The following C12orf42 variants were observed in gnomAD, a reference collection of about 807,000 sequenced individuals.
The protein encoded by C12orf42 is uncharacterized protein C12orf42.
Under a neutral mutation model 21.6 loss-of-function variants are expected in C12orf42, and 25 were observed. The observed-to-expected ratio is 1.16, with a 90% CI of 0.84 to 1.62. The LOEUF (loss-of-function observed/expected upper bound fraction) is 1.62, where lower values mean the gene tolerates loss of function less well. Ranked by LOEUF, C12orf42 falls within the 40% of genes most tolerant of loss-of-function variation. C12orf42 has a pLI of 0.00. For synonymous variants in C12orf42, 174 were observed against 175.0 expected (o/e 0.99, Z 0.05); for missense variants, 483 against 459.3 (o/e 1.05, Z -0.47).
At chr12:103,226,010 A>C in the C12orf42 span, among the ~76,000 whole-genome samples, 308 of 152,292 alleles carry the variant, frequency 2.0e-3, 2 homozygotes, top group African/African-American at 7.1e-3. Context: ...GTTCCAGGGG[A>C]TCTGGGAGTG....
At chr12:103,535,900 C>A in the C12orf42 span, among the ~76,000 whole-genome samples, 3 of 152,148 alleles carry the variant, frequency 2.0e-5, no homozygotes, top group African/African-American at 7.2e-5. Flanking sequence ...ACCTTAGGCT[C>A]CAGAGTAGCC....
chr12:103,133,794 C>T, the C12orf42 span, among the ~76,000 whole-genome samples: 3 of 152,192 alleles, frequency 2.0e-5, no homozygotes, highest in Non-Finnish European at 4.4e-5. Flanking sequence ...ATCATGGGGG[C>T]AGTTTCCTCC....
intron 4 of C12orf42, among the ~76,000 whole-genome samples, chr12:103,334,421 C>T (rs1371761347): frequency 6.6e-6 from 1 of 152,144 alleles, no homozygotes; most frequent in African/African-American, 2.4e-5. Flanking sequence ...TTGGCATAGA[C>T]CAGACCCTAC....
At chr12:103,195,028 T>C in the C12orf42 span, among the ~76,000 whole-genome samples, 1 of 152,304 alleles carries the variant, frequency 6.6e-6, no homozygotes, top group East Asian at 1.9e-4. Flanking sequence ...AGCTCCCACT[T>C]ATAAGCAAGA....
At position 103,327,259 on chromosome 12, in the gene C12orf42, C is replaced by T. The variant is rs557667004; in HGVS notation, c.260-20914G>A. 2.1e-4 allele frequency among the ~76,000 whole-genome samples: 32 copies of T among 152,146 alleles called. 1 individual carries two copies. Among genetic ancestry groups the T allele is most frequent in the Admixed American group, 1.9e-3 (29 of 15,272 alleles). On this transcript the variant is annotated intron_variant, in intron 4 of 5. Transcript: ENST00000548883. ...CGAGAGTACAGCTTTTGTGTCAGGA[C>T]CTCTTGGGTAAGAAGCCCCAAGCAT...
chr12:103,240,522 G>C (rs1166743283), intron 10 of C12orf42, among the ~76,000 whole-genome samples: 5 of 152,178 alleles, frequency 3.3e-5, no homozygotes, highest in African/African-American at 7.2e-5. Context: ...TGCTCCTGAA[G>C]TCATGAGAAC....
the C12orf42 span, among the ~76,000 whole-genome samples, chr12:103,524,341 C>T: frequency 6.6e-6 from 1 of 152,178 alleles, no homozygotes; most frequent in African/African-American, 2.4e-5. Context: ...TTGGCAAGAA[C>T]AGATTCCCAT....
At chr12:103,203,259 C>CCCTGAT in the C12orf42 span, among the ~76,000 whole-genome samples, 1 of 152,136 alleles carries the variant, frequency 6.6e-6, no homozygotes, top group Non-Finnish European at 1.5e-5. Context: ...GGGGGATTGC[C>CCCTGAT]CCTGATCCCC....
At chr12:103,459,426 C>T (rs1383478684) in intron 2 of C12orf42, among the ~76,000 whole-genome samples, 2 of 152,062 alleles carry the variant, frequency 1.3e-5, no homozygotes, top group Non-Finnish European at 2.9e-5. Flanking sequence ...TGAGTGTATC[C>T]ACCGGAGACC....
At chr12:103,124,186 T>A in the C12orf42 span, among the ~76,000 whole-genome samples, 5 of 86,996 alleles carry the variant, frequency 5.7e-5, no homozygotes, top group African/African-American at 1.2e-4. Flanking sequence ...TTTTTTTTTT[T>A]ATGGAAACAG....
the C12orf42 span, among the ~76,000 whole-genome samples, chr12:103,116,381 A>AAAAATATATATATAT: frequency 2.2e-5 from 3 of 136,710 alleles, no homozygotes; most frequent in African/African-American, 8.2e-5. Flanking sequence ...AAAAAAAAAA[A>AAAAATATATATATAT]ATATATATAT....
the C12orf42 span, among the ~76,000 whole-genome samples, chr12:103,076,973 T>C: frequency 6.6e-6 from 1 of 152,234 alleles, no homozygotes; most frequent in Non-Finnish European, 1.5e-5. Flanking sequence ...GCTATATTGA[T>C]GTTCATATCA....
the C12orf42 span, among the ~76,000 whole-genome samples, chr12:103,540,570 G>GT: frequency 4.6e-5 from 7 of 152,112 alleles, no homozygotes; most frequent in Non-Finnish European, 1.0e-4. Context: ...TTCTCATAGT[G>GT]TTTTTTGCCT....
chr12:103,371,055 T>C (rs2045178449), intron 3 of C12orf42, among the ~76,000 whole-genome samples: 1 of 152,124 alleles, frequency 6.6e-6, no homozygotes, highest in Non-Finnish European at 1.5e-5. Flanking sequence ...AAAGTATGGA[T>C]AGTACTATTT....
At chr12:103,390,552 C>T (rs2046986392) in intron 3 of C12orf42, among the ~76,000 whole-genome samples, 1 of 152,094 alleles carries the variant, frequency 6.6e-6, no homozygotes. Context: ...TCAGGGTTCT[C>T]CAGAGAAACA....
intron 4 of C12orf42, among the ~76,000 whole-genome samples, chr12:103,356,913 G>A (rs1474410364): frequency 6.6e-6 from 1 of 151,874 alleles, no homozygotes; most frequent in Non-Finnish European, 1.5e-5. Flanking sequence ...TCATTGTAGA[G>A]TGGCACATAT....
chr12:103,272,088 T>A (rs1474876366), intron 5 of C12orf42, among the ~76,000 whole-genome samples: 1 of 152,144 alleles, frequency 6.6e-6, no homozygotes, highest in Non-Finnish European at 1.5e-5. Flanking sequence ...GCTGTGCCTA[T>A]AGATCTAAGA....
chr12:103,197,030 T>C, the C12orf42 span, among the ~76,000 whole-genome samples: 1 of 152,194 alleles, frequency 6.6e-6, no homozygotes, highest in Non-Finnish European at 1.5e-5. Context: ...TGGACTTAAG[T>C]GTGTTTTTGT....
chr12:103,423,788 CA>C (rs1053909061), intron 2 of C12orf42, among the ~76,000 whole-genome samples: 21 of 151,996 alleles, frequency 1.4e-4, no homozygotes, highest in Middle Eastern at 3.4e-3. Flanking sequence ...TAATGAGTTT[CA>C]AAAAAAGAAT....
Sources: allele counts gnomAD v4.1 joint callset (sites outside exome capture counted in the v4.1 genomes callset), GRCh38; gene constraint gnomAD v4.1.1; transcripts MANE v1.5; gene names NCBI Gene and HGNC (gene_info 2026-07-23, HGNC 2026-07-21).